ANAPC1: variants seen among roughly 807,000 people sequenced by gnomAD.
ANAPC1 encodes anaphase-promoting complex subunit 1.
Under a neutral mutation model 208.0 loss-of-function variants are expected in ANAPC1, and 36 were observed. That is an observed-to-expected ratio of 0.17 (90% CI 0.13 to 0.23). The LOEUF (loss-of-function observed/expected upper bound fraction) is 0.23, where lower values mean the gene tolerates loss of function less well. ANAPC1 is among the 10% of genes least tolerant of loss of function. The pLI is 1.00. For synonymous variants in ANAPC1, 378 were observed against 695.2 expected (o/e 0.54, Z 7.18); for missense variants, 942 against 2,011.6 (o/e 0.47, Z 10.17).
intron 34 of ANAPC1, among the ~76,000 whole-genome samples, chr2:111,798,982 C>T (rs1439824909): frequency 0.015 from 2,217 of 149,300 alleles, 17 homozygotes; most frequent in East Asian, 0.087. Flanking sequence ...TGCAGTGAGC[C>T]GAGATCACAC....
In ANAPC1 at chr2:111,810,680, C is replaced by G. The variant is rs868798320; in HGVS notation, c.3598-1499G>C. 1.4e-4 allele frequency among the ~76,000 whole-genome samples: 21 copies of G among 146,942 alleles called. 1 individual carries two copies. The highest frequency in any genetic ancestry group is 1.4e-3 in the Admixed American group (21 of 14,700). ...GGCAGATCACCTGAGATCAGGAGTT[C>G]AAGACCAGCCTGGCCAACATGGTGA... On this transcript the variant is annotated intron_variant, in intron 28 of 47. Coordinates refer to ENST00000341068, the MANE Select transcript of ANAPC1 (RefSeq NM_022662.4).
chr2:111,882,454 G>A (rs1232062164), intron 1 of ANAPC1, among the ~76,000 whole-genome samples: 1 of 152,024 alleles, frequency 6.6e-6, no homozygotes, highest in Non-Finnish European at 1.5e-5. Context: ...TCTTGGCCAG[G>A]CACGATGGCT....
intron 8 of ANAPC1, among the ~76,000 whole-genome samples, chr2:111,864,524 G>A (rs1411422768): frequency 7.2e-6 from 1 of 137,942 alleles, no homozygotes; most frequent in African/African-American, 2.7e-5. Context: ...GAGTGCAGTG[G>A]CATGATCTTG....
At chr2:111,836,953 G>A (rs1680502126) in intron 18 of ANAPC1, among the ~76,000 whole-genome samples, 1 of 140,068 alleles carries the variant, frequency 7.1e-6, no homozygotes, top group African/African-American at 2.6e-5. Flanking sequence ...GGATGACAGA[G>A]CAAGACTCCG....
chr2:111,856,511 G>A (rs1204440594), intron 13 of ANAPC1, 103 bp downstream of exon 13: 3 of 1,168,732 alleles, frequency 2.6e-6, no homozygotes, highest in Non-Finnish European at 3.7e-6. Flanking sequence ...TGTGCAGACA[G>A]GAACATAACA....
rs757977493 is a variant in ANAPC1, at chr2:111,883,926, G to A, written c.-25+16C>T. The A allele has an allele frequency of 6.6e-6, 1 of 152,304 alleles. No individual in the cohort carries two copies. The highest frequency in any genetic ancestry group is 1.5e-5 in the Non-Finnish European group (1 of 68,096). The allele number at this position is 152,304 out of a possible 1,614,324, so 9.4% of individuals were successfully genotyped here. On this transcript the variant is annotated intron_variant, in intron 1 of 47. Coordinates refer to ENST00000341068, the MANE Select transcript of ANAPC1 (RefSeq NM_022662.4). ...CGCGCGACAGACCACCAAGTGCTGCGGTACGGCGCCCGCACCTGTATAACT... is the reference window on the plus strand; with the variant it reads ...CGCGCGACAGACCACCAAGTGCTGCAGTACGGCGCCCGCACCTGTATAACT...
chr2:111,869,534 C>A (rs1682625294), intron 6 of ANAPC1, among the ~76,000 whole-genome samples: 1 of 152,188 alleles, frequency 6.6e-6, no homozygotes, highest in Non-Finnish European at 1.5e-5. Flanking sequence ...ACGTGGGCCA[C>A]CGCGCCCGGC....
At position 111,772,452 on chromosome 2, in the gene ANAPC1, C is replaced by T. The variant is rs541940832; in HGVS notation, c.5608G>A (p.Ala1870Thr). The change falls in exon 47 of 48, where the codon GCC becomes ACC. Residue 1870 changes from alanine to threonine, a missense_variant. Coordinates refer to ENST00000341068, the MANE Select transcript of ANAPC1 (RefSeq NM_022662.4). ...LQVGGDMCVH[A>T]YLSGQPLEES... ...TCCAAGGGCTGCCCGCTGAGGTAGG[C>T]GTGCACACACATATCACCCCCGACT... The T allele has an allele frequency of 1.5e-5, 23 of 1,543,390 alleles. No homozygotes were observed. Among genetic ancestry groups the T allele is most frequent in the Non-Finnish European group, 1.9e-5 (21 of 1,130,180 alleles).
intron 37 of ANAPC1, among the ~76,000 whole-genome samples, chr2:111,793,482 C>T (rs964422252): frequency 1.9e-4 from 29 of 152,146 alleles, no homozygotes; most frequent in African/African-American, 6.5e-4. Context: ...GCTTCAGTCT[C>T]CCAAAGTTGC....
intron 46 of ANAPC1, among the ~76,000 whole-genome samples, chr2:111,773,251 C>T (rs1448849182): frequency 2.0e-5 from 3 of 152,000 alleles, no homozygotes; most frequent in African/African-American, 7.2e-5. Flanking sequence ...AAGAAATTCC[C>T]TCATTCTCAT....
intron 34 of ANAPC1, 156 bp from the exon 35 acceptor site, chr2:111,795,050 G>A (rs1051867327): frequency 1.5e-6 from 1 of 683,510 alleles, no homozygotes; most frequent in African/African-American, 1.8e-5. Context: ...TAATCTCATT[G>A]AATGTAATCA....
chr2:111,835,016 C>T, intron 18 of ANAPC1, 144 bp from the exon 19 acceptor site: 1 of 1,041,620 alleles, frequency 9.6e-7, no homozygotes, highest in Non-Finnish European at 1.3e-6. Flanking sequence ...AAAGACAATG[C>T]TAAGAATGAA....
At chr2:111,841,301 T>G (rs1041567049) in intron 17 of ANAPC1, among the ~76,000 whole-genome samples, 1 of 151,720 alleles carries the variant, frequency 6.6e-6, no homozygotes, top group Non-Finnish European at 1.5e-5. Flanking sequence ...TACATTCCAG[T>G]TGGGGGAGGA....
At chr2:111,807,330 C>G in intron 29 of ANAPC1, among the ~76,000 whole-genome samples, 1 of 147,412 alleles carries the variant, frequency 6.8e-6, no homozygotes. Flanking sequence ...AGGCATTTTA[C>G]AGACCATCGA....
At position 111,856,634 on chromosome 2, in the gene ANAPC1, G is replaced by A. The variant is rs1297863186; in HGVS notation, c.1495C>T (p.Leu499=). Residue 499 remains leucine, a synonymous_variant, in exon 13 of 48, where the codon CTA becomes TTA. Coordinates refer to ENST00000341068, the MANE Select transcript of ANAPC1 (RefSeq NM_022662.4). ...LVLEGSGNLV[L]YTGVVRVGKV... is the part of the protein sequence containing the mutation. ...CTTACCCGAACCACTCCTGTGTATA[G>A]CACCAGGTTTCCACTGCCTTCCAAG... The A allele has an allele frequency of 1.9e-6, 3 of 1,613,854 alleles. No homozygotes were observed. The highest frequency in any genetic ancestry group is 3.3e-5 in the Admixed American group (2 of 60,018).
At chr2:111,844,496 G>C (rs1680942628) in intron 16 of ANAPC1, among the ~76,000 whole-genome samples, 1 of 151,560 alleles carries the variant, frequency 6.6e-6, no homozygotes, top group Non-Finnish European at 1.5e-5. Flanking sequence ...CTGAACCCGG[G>C]AGGCAGAGGT....
intron 37 of ANAPC1, among the ~76,000 whole-genome samples, chr2:111,793,189 C>T (rs907054506): frequency 2.0e-5 from 3 of 151,974 alleles, no homozygotes; most frequent in Non-Finnish European, 4.4e-5. Context: ...TTTTAAATGA[C>T]CTATTACAAG....
intron 9 of ANAPC1, among the ~76,000 whole-genome samples, chr2:111,862,874 T>C (rs1251508850): frequency 6.6e-6 from 1 of 152,120 alleles, no homozygotes; most frequent in Non-Finnish European, 1.5e-5. Context: ...GAATGATTAT[T>C]CAAAAAGCTC....
chr2:111,825,891 T>A, intron 21 of ANAPC1, 36 bp from the exon 22 acceptor site: 1 of 1,594,084 alleles, frequency 6.3e-7, no homozygotes. Context: ...TTTTTCTCTT[T>A]TCAGAGACAG....
Sources: allele counts gnomAD v4.1 joint callset (sites outside exome capture counted in the v4.1 genomes callset), GRCh38; gene constraint gnomAD v4.1.1; transcripts MANE v1.5; gene names NCBI Gene and HGNC (gene_info 2026-07-23, HGNC 2026-07-21).